BCAS3: variants seen among roughly 807,000 people sequenced by gnomAD.
BCAS3 encodes the protein BCAS3 microtubule associated cell migration factor.
In BCAS3, 53 loss-of-function variants were observed where a neutral mutation model predicts 116.1. The observed-to-expected ratio is 0.46, with a 90% CI of 0.37 to 0.57. The LOEUF is 0.57. Among genes scored for constraint, BCAS3 ranks in the 20% least tolerant of loss-of-function variants. The probability of loss-of-function intolerance (pLI) is 0.00; values close to 1 mark genes in which losing one functional copy is unlikely to be tolerated. For missense variants in BCAS3, 917 were observed against 1,165.4 expected, an observed-to-expected ratio of 0.79 and a Z score of 3.10; for synonymous variants, 391 against 408.2, an observed-to-expected ratio of 0.96 and a Z score of 0.51.
chr17:61,202,569 C>T (rs1030484581), intron 22 of BCAS3, among the ~76,000 whole-genome samples: 11 of 151,294 alleles, frequency 7.3e-5, no homozygotes, highest in Non-Finnish European at 1.2e-4. Context: ...TGTGTTTCTT[C>T]TAAAGGAGCT....
intron 22 of BCAS3, among the ~76,000 whole-genome samples, chr17:61,152,483 G>A (rs535223117): frequency 1.3e-5 from 2 of 152,228 alleles, no homozygotes; most frequent in South Asian, 2.1e-4. Flanking sequence ...GACCCAGGAA[G>A]TCCAGATGGC....
intron 22 of BCAS3, among the ~76,000 whole-genome samples, chr17:61,351,981 C>T (rs932572673): frequency 2.6e-5 from 4 of 152,210 alleles, no homozygotes; most frequent in African/African-American, 7.2e-5. Context: ...TTTGCCAGCT[C>T]GTTGAGCTGT....
intron 3 of BCAS3, among the ~76,000 whole-genome samples, chr17:60,685,469 AAAG>A (rs2033886611): frequency 6.6e-6 from 1 of 151,894 alleles, no homozygotes; most frequent in African/African-American, 2.4e-5. Flanking sequence ...AAAAAAAAAA[AAAG>A]AACATAGTCT....
chr17:61,010,268 A>G (rs1215343498), intron 15 of BCAS3, among the ~76,000 whole-genome samples: 1 of 151,938 alleles, frequency 6.6e-6, no homozygotes, highest in African/African-American at 2.4e-5. Flanking sequence ...TGTCTGGGAA[A>G]ACATAATTTA....
At chr17:60,771,484 C>T (rs1057222620) in intron 6 of BCAS3, among the ~76,000 whole-genome samples, 2 of 151,926 alleles carry the variant, frequency 1.3e-5, no homozygotes, top group African/African-American at 2.4e-5. Flanking sequence ...TTAAAAGAAA[C>T]GTTGGTTCCC....
intron 15 of BCAS3, among the ~76,000 whole-genome samples, chr17:61,003,186 T>G (rs547054487): frequency 2.6e-5 from 4 of 152,086 alleles, no homozygotes; most frequent in Non-Finnish European, 2.9e-5. Context: ...TTTTTTTAAC[T>G]TTATGAGAAT....
chr17:60,949,217 T>A (rs1425578969), intron 14 of BCAS3, among the ~76,000 whole-genome samples: 2 of 152,148 alleles, frequency 1.3e-5, no homozygotes, highest in African/African-American at 2.4e-5. Context: ...AGTAAAATTT[T>A]AAAAATTATT....
At chr17:60,755,308 T>G (rs1054905418) in intron 6 of BCAS3, among the ~76,000 whole-genome samples, 2 of 152,202 alleles carry the variant, frequency 1.3e-5, no homozygotes, top group Non-Finnish European at 2.9e-5. Flanking sequence ...TTGATACTCT[T>G]CAGATAACAT....
intron 5 of BCAS3, among the ~76,000 whole-genome samples, chr17:60,736,786 G>C (rs991830095): frequency 6.6e-6 from 1 of 151,966 alleles, no homozygotes; most frequent in Admixed American, 6.6e-5. Flanking sequence ...TTTCATCTAG[G>C]TTATCAAACT....
intron 6 of BCAS3, among the ~76,000 whole-genome samples, chr17:60,785,126 C>T (rs1162908840): frequency 6.6e-6 from 1 of 152,088 alleles, no homozygotes; most frequent in Admixed American, 6.5e-5. Context: ...CAATCCCAAA[C>T]ATGCCCTTTT....
At chr17:60,686,002 T>G (rs901575729) in intron 3 of BCAS3, among the ~76,000 whole-genome samples, 1 of 151,822 alleles carries the variant, frequency 6.6e-6, no homozygotes, top group Admixed American at 6.6e-5. Context: ...CCCGAGTAGC[T>G]GGGACTACAG....
chr17:60,964,458 A>G lies in BCAS3; in HGVS notation c.1221+17106A>G, dbSNP rs1381482718. Among the ~76,000 whole-genome samples, 1 of 152,026 alleles carries G rather than the reference A, an allele frequency of 6.6e-6. No individual in the cohort carries two copies. On this transcript the variant is annotated intron_variant, in intron 14 of 23. Transcript: ENST00000407086. This position sits in a 1 kb window ranked among gnomAD's most constrained non-coding sequence, Gnocchi z 4.6. ...TGCTAGTATTTTGTTGAGGATTTTC[A>G]CATATATGTTCATCACGGATATTGG...
intron 14 of BCAS3, among the ~76,000 whole-genome samples, chr17:60,952,042 G>A (rs569935219): frequency 2.6e-5 from 4 of 151,824 alleles, no homozygotes; most frequent in African/African-American, 9.7e-5. Flanking sequence ...AAAGTGTTGG[G>A]ATTACAGGCA....
At chr17:60,842,647 T>C (rs1358132114) in intron 7 of BCAS3, among the ~76,000 whole-genome samples, 1 of 152,154 alleles carries the variant, frequency 6.6e-6, no homozygotes, top group Non-Finnish European at 1.5e-5. Context: ...ATTTATATTC[T>C]CATCTAAGTA....
chr17:60,697,361 G>A (rs2035726850), intron 4 of BCAS3, among the ~76,000 whole-genome samples: 1 of 152,010 alleles, frequency 6.6e-6, no homozygotes, highest in Non-Finnish European at 1.5e-5. Flanking sequence ...AAGAGTTCAA[G>A]ACCAGCCTGG....
At chr17:60,909,876 G>A (rs189058945) in intron 11 of BCAS3, among the ~76,000 whole-genome samples, 7 of 152,098 alleles carry the variant, frequency 4.6e-5, no homozygotes, top group African/African-American at 1.7e-4. Flanking sequence ...TAATATAGTA[G>A]GAGCACCACA....
In BCAS3 at chr17:61,354,859, G is replaced by C. The variant is rs1375184257; in HGVS notation, c.2426-13468G>C. 6.6e-6 allele frequency: 1 copy of C among 152,238 alleles called. No homozygotes were observed. Among genetic ancestry groups the C allele is most frequent in the Non-Finnish European group, 1.5e-5 (1 of 68,066 alleles). The allele number at this position is 152,238 out of a possible 1,614,324, so 9.4% of individuals were successfully genotyped here. ...AAATAACAAAGCTAAAAATGGGTCA[G>C]GTATCAAACGGGTCAACTCCAGTAC... is the stretch of plus-strand genomic sequence containing the variant. On this transcript the variant is annotated intron_variant, in intron 22 of 23. Transcript: ENST00000407086. This position sits in a 1 kb window ranked among gnomAD's most constrained non-coding sequence, Gnocchi z 4.5.
At chr17:60,730,082 G>C (rs1332832158) in intron 5 of BCAS3, among the ~76,000 whole-genome samples, 5 of 152,218 alleles carry the variant, frequency 3.3e-5, no homozygotes, top group Admixed American at 2.0e-4. Flanking sequence ...ATTGGTGCAT[G>C]CTGAAGTAAT....
At chr17:61,100,831 A>G (rs2074280333) in intron 22 of BCAS3, among the ~76,000 whole-genome samples, 2 of 152,008 alleles carry the variant, frequency 1.3e-5, no homozygotes, top group African/African-American at 2.4e-5. Flanking sequence ...CCATGCAAAC[A>G]TAAATTAAAC....
Sources: allele counts gnomAD v4.1 joint callset (sites outside exome capture counted in the v4.1 genomes callset), GRCh38; gene constraint gnomAD v4.1.1; non-coding constraint Gnocchi (gnomAD v3.1); transcripts MANE v1.5; gene names NCBI Gene and HGNC (gene_info 2026-07-23, HGNC 2026-07-21).